HTR1F: variants seen among roughly 807,000 people sequenced by gnomAD.
The protein encoded by HTR1F is 5-hydroxytryptamine receptor 1F.
A neutral mutation model predicts 24.0 loss-of-function variants in HTR1F; 17 were observed. The observed-to-expected ratio is 0.71, with a 90% CI of 0.48 to 1.06. The LOEUF (loss-of-function observed/expected upper bound fraction) is 1.06, where lower values mean the gene tolerates loss of function less well. Among genes scored for constraint, HTR1F ranks in the 50% least tolerant of loss-of-function variants. The pLI, the probability that HTR1F is intolerant of heterozygous loss-of-function variation, is 0.00. For missense variants in HTR1F, 391 were observed against 427.8 expected, an observed-to-expected ratio of 0.91 and a Z score of 0.76; for synonymous variants, 186 against 156.8, an observed-to-expected ratio of 1.19 and a Z score of -1.39.
intron 2 of HTR1F, among the ~76,000 whole-genome samples, chr3:87,880,953 A>G (rs1201127902): frequency 6.6e-6 from 1 of 152,216 alleles, no homozygotes. Context: ...TAGAAGTATG[A>G]GTGGTTCCAA....
chr3:87,860,529 G>C (rs190725431), intron 2 of HTR1F, among the ~76,000 whole-genome samples: 34 of 152,058 alleles, frequency 2.2e-4, no homozygotes, highest in African/African-American at 8.0e-4. Flanking sequence ...TTATTTTCTA[G>C]GTTCAAAGTC....
chr3:87,847,865 T>A (rs1704981415), intron 2 of HTR1F, among the ~76,000 whole-genome samples: 1 of 151,908 alleles, frequency 6.6e-6, no homozygotes, highest in South Asian at 2.1e-4. Context: ...TTGCTGCACA[T>A]GACATGACTG....
At position 87,907,774 on chromosome 3, in the gene HTR1F, G is replaced by A. The variant is rs72913747; in HGVS notation, c.-42-82934G>A. ...AATCATAATACTAGAATTAAATATA[G>A]GTAAGTAATAACATGGTTTCTGAAT... On this transcript the variant is annotated intron_variant, in intron 2 of 2. Coordinates refer to ENST00000319595, the MANE Select transcript of HTR1F (RefSeq NM_001322209.2). Among the ~76,000 whole-genome samples the A allele has an allele frequency of 4.5e-3, 688 of 151,992 alleles. 1 individual carries two copies. Among genetic ancestry groups the A allele is most frequent in the African/African-American group, 0.016 (665 of 41,512 alleles).
At chr3:87,894,164 A>G (rs568155987) in intron 2 of HTR1F, among the ~76,000 whole-genome samples, 62 of 152,228 alleles carry the variant, frequency 4.1e-4, no homozygotes, top group African/African-American at 1.4e-3. Context: ...GGTAGTCTTT[A>G]TCCCTCATCC....
intron 2 of HTR1F, among the ~76,000 whole-genome samples, chr3:87,956,816 C>T (rs947422432): frequency 3.3e-5 from 5 of 151,212 alleles, no homozygotes; most frequent in East Asian, 1.9e-4. Context: ...TTTTTATTAA[C>T]GTTGTATCCT....
At chr3:87,983,844 A>G (rs1226230641) in intron 2 of HTR1F, among the ~76,000 whole-genome samples, 1 of 152,198 alleles carries the variant, frequency 6.6e-6, no homozygotes, top group African/African-American at 2.4e-5. Context: ...ATATTCTCAA[A>G]AGCATTCTTT....
chr3:87,946,120 G>A (rs1044321115), intron 2 of HTR1F, among the ~76,000 whole-genome samples: 15 of 152,314 alleles, frequency 9.8e-5, no homozygotes, highest in Admixed American at 9.8e-4. Context: ...AGCCATGCAG[G>A]AACAATGGCA....
At chr3:87,984,064 A>G (rs1215176175) in intron 2 of HTR1F, among the ~76,000 whole-genome samples, 2 of 152,174 alleles carry the variant, frequency 1.3e-5, no homozygotes, top group South Asian at 2.1e-4. Context: ...GTTAATTTTC[A>G]TCTCTCACCC....
intron 2 of HTR1F, among the ~76,000 whole-genome samples, chr3:87,898,838 T>C (rs1467138189): frequency 6.6e-6 from 1 of 152,138 alleles, no homozygotes; most frequent in African/African-American, 2.4e-5. Context: ...GAAATCTAAA[T>C]TGTATTTTAA....
intron 2 of HTR1F, among the ~76,000 whole-genome samples, chr3:87,916,719 T>A (rs920902684): frequency 4.6e-5 from 7 of 152,008 alleles, no homozygotes; most frequent in Non-Finnish European, 8.8e-5. Flanking sequence ...GCTCCCAATT[T>A]TACAAAGCAA....
intron 2 of HTR1F, among the ~76,000 whole-genome samples, chr3:87,937,782 G>C (rs1453381926): frequency 6.6e-6 from 1 of 151,990 alleles, no homozygotes; most frequent in African/African-American, 2.4e-5. Flanking sequence ...AAATCAGCTG[G>C]GCATGGTGGT....
chr3:87,879,252 A>C (rs150840152), intron 2 of HTR1F, among the ~76,000 whole-genome samples: 1 of 152,330 alleles, frequency 6.6e-6, no homozygotes, highest in Admixed American at 6.5e-5. Flanking sequence ...TATTGCAATA[A>C]AAATTTAAAA....
chr3:87,891,491 T>A (rs1706085543), intron 2 of HTR1F, among the ~76,000 whole-genome samples: 1 of 152,216 alleles, frequency 6.6e-6, no homozygotes. Flanking sequence ...CTAACAAGAA[T>A]GATTTACAAA....
intron 2 of HTR1F, among the ~76,000 whole-genome samples, chr3:87,898,635 A>G (rs1189752070): frequency 6.6e-6 from 1 of 152,206 alleles, no homozygotes; most frequent in Non-Finnish European, 1.5e-5. Context: ...TAAATTCAGT[A>G]ACTACCATAT....
intron 2 of HTR1F, among the ~76,000 whole-genome samples, chr3:87,872,434 G>C (rs1049733493): frequency 2.6e-5 from 4 of 151,744 alleles, no homozygotes; most frequent in African/African-American, 7.3e-5. Flanking sequence ...AATTAAAGCA[G>C]AAAAAGGTGA....
intron 2 of HTR1F, among the ~76,000 whole-genome samples, chr3:87,937,928 G>GA (rs57450022): frequency 0.012 from 1,325 of 114,356 alleles, 6 homozygotes; most frequent in African/African-American, 0.014. Flanking sequence ...CATCTCAAAA[G>GA]AAAAAAAAAA....
chr3:87,934,009 C>G (rs1038597455), intron 2 of HTR1F, among the ~76,000 whole-genome samples: 2 of 152,128 alleles, frequency 1.3e-5, no homozygotes, highest in African/African-American at 4.8e-5. Context: ...TTTCCAGTCC[C>G]TGGGAAAACT....
intron 2 of HTR1F, among the ~76,000 whole-genome samples, chr3:87,947,364 T>A (rs1226728815): frequency 6.8e-6 from 1 of 146,908 alleles, no homozygotes; most frequent in South Asian, 2.1e-4. Context: ...CTAGAATAGT[T>A]CTCTCTTAAC....
chr3:87,871,045 A>G (rs1418680737), intron 2 of HTR1F, among the ~76,000 whole-genome samples: 1 of 151,996 alleles, frequency 6.6e-6, no homozygotes, highest in East Asian at 1.9e-4. Flanking sequence ...TCATGGAAGC[A>G]AAATAAATAT....
Sources: allele counts gnomAD v4.1 joint callset (sites outside exome capture counted in the v4.1 genomes callset), GRCh38; gene constraint gnomAD v4.1.1; transcripts MANE v1.5; gene names NCBI Gene and HGNC (gene_info 2026-07-23, HGNC 2026-07-21).